Variants in MAP3K4 observed in about 807,000 individuals in gnomAD.
MAP3K4 encodes mitogen-activated protein kinase kinase kinase 4.
In MAP3K4, 67 loss-of-function variants were observed where a neutral mutation model predicts 185.6. The observed-to-expected ratio is 0.36, with a 90% CI of 0.30 to 0.44. MAP3K4 has a LOEUF of 0.44. Among genes scored for constraint, MAP3K4 ranks in the 20% least tolerant of loss-of-function variants. MAP3K4 has a pLI of 1.00. For missense variants in MAP3K4, 1,551 were observed against 1,995.1 expected (o/e 0.78, Z 4.24); for synonymous variants, 702 against 710.4 (o/e 0.99, Z 0.19).
At chr6:161,014,906 C>G (rs1327275538) in intron 1 of MAP3K4, among the ~76,000 whole-genome samples, 1 of 152,152 alleles carries the variant, frequency 6.6e-6, no homozygotes, top group East Asian at 1.9e-4. Flanking sequence ...CATTACCAAC[C>G]CCCTGCCCGG....
At chr6:161,014,847 A>G (rs1782012979) in intron 1 of MAP3K4, among the ~76,000 whole-genome samples, 1 of 125,654 alleles carries the variant, frequency 8.0e-6, no homozygotes, top group Non-Finnish European at 2.0e-5. Flanking sequence ...ACCACAGTCA[A>G]TTTTCAAACA....
At chr6:161,013,003 A>G (rs575804157) in intron 1 of MAP3K4, among the ~76,000 whole-genome samples, 1 of 152,194 alleles carries the variant, frequency 6.6e-6, no homozygotes, top group African/African-American at 2.4e-5. Flanking sequence ...GGTACATACC[A>G]CAAGCTTTTC....
At chr6:161,021,689 A>G (rs1782396922) in intron 1 of MAP3K4, among the ~76,000 whole-genome samples, 1 of 152,208 alleles carries the variant, frequency 6.6e-6, no homozygotes, top group African/African-American at 2.4e-5. Flanking sequence ...ATTCTGTGCT[A>G]ACTCTCCAGT....
intron 1 of MAP3K4, among the ~76,000 whole-genome samples, chr6:161,028,226 A>G (rs1782761917): frequency 6.6e-6 from 1 of 152,154 alleles, no homozygotes; most frequent in Non-Finnish European, 1.5e-5. Flanking sequence ...TTTCATTGTT[A>G]ATGTTTTTGT....
Position 161,089,233 on chromosome 6 carries a change from A to G in MAP3K4, c.2824-89A>G. On this transcript the variant is annotated intron_variant, in intron 10 of 26. Coordinates refer to ENST00000392142, the MANE Select transcript of MAP3K4 (RefSeq NM_005922.4). ...TGGTTGTTGGCCTGGTATCCCTGAG[A>G]TTGGCATTGTTTTTGGACTGGTGTT... 2.1e-6 allele frequency: 3 copies of G among 1,404,294 alleles called. No individual in the cohort carries two copies. In the East Asian group the frequency reaches 6.9e-5, roughly 32 times the overall value. 87.0% of individuals were successfully genotyped at this position (1,404,294 alleles called of 1,614,324 possible).
intron 23 of MAP3K4, 45 bp from the exon 24 acceptor site, chr6:161,111,791 A>G (rs1254047019): frequency 1.3e-6 from 2 of 1,598,694 alleles, no homozygotes; most frequent in South Asian, 1.1e-5. Flanking sequence ...CCTTGCCCAC[A>G]TTGTGTTTCA....
rs1781690321 is a variant in MAP3K4, at chr6:161,008,311, C to T, written c.152+16228C>T. On this transcript the variant is annotated intron_variant, in intron 1 of 26. Transcript: ENST00000392142. This position sits in a 1 kb window ranked among gnomAD's most constrained non-coding sequence, Gnocchi z 4.1. ...TTACTGTTATGAATGAGGTTAAAAGCATTGTTTTTAGCTTAATCTTTATGT... is the reference window on the plus strand; with the variant it reads ...TTACTGTTATGAATGAGGTTAAAAGTATTGTTTTTAGCTTAATCTTTATGT... Among the ~76,000 whole-genome samples the T allele has an allele frequency of 6.6e-6, 1 of 152,102 alleles. No individual in the cohort carries two copies.
Position 161,091,941 on chromosome 6 carries a change from G to T in MAP3K4, c.3136-69G>T. The T allele has an allele frequency of 7.7e-7, 1 of 1,296,406 alleles. No individual in the cohort carries two copies. The highest frequency in any genetic ancestry group is 1.7e-5 in the Admixed American group (1 of 57,528). The allele number at this position is 1,296,406 out of a possible 1,614,324, so 80.3% of individuals were successfully genotyped here. ...GTTTTTAGAAAACATTTTAGACATG[G>T]CATTATAGTGTGTGATATTATTTAA... On this transcript the variant is annotated intron_variant, in intron 12 of 26. Transcript: ENST00000392142. This position sits in a 1 kb window ranked among gnomAD's most constrained non-coding sequence, Gnocchi z 5.5.
Position 161,067,002 on chromosome 6 carries a change from G to A in MAP3K4, c.1708-3606G>A, listed in dbSNP as rs530283329. ...ATCATTATACCAGAGGCGGTGGAGG[G>A]AAGCATTTACAGCGTCTAAAGCCTT... On this transcript the variant is annotated intron_variant, in intron 3 of 26. Coordinates refer to ENST00000392142, the MANE Select transcript of MAP3K4 (RefSeq NM_005922.4). This position sits in a 1 kb window ranked among gnomAD's most constrained non-coding sequence, Gnocchi z 6.3. 2.2e-4 allele frequency among the ~76,000 whole-genome samples: 33 copies of A among 152,324 alleles called. No homozygotes were observed. The highest frequency in any genetic ancestry group is 4.1e-4 in the South Asian group (2 of 4,824).
rs184919254 is a variant in MAP3K4 at position 161,077,091 on chromosome 6, G to A, written c.2097+3479G>A. ...CCAGTTTAGGTAACAGATGAAAAAC[G>A]TAGACCAAACAATACTATATATTGT... On this transcript the variant is annotated intron_variant, in intron 5 of 26. Coordinates refer to ENST00000392142, the MANE Select transcript of MAP3K4 (RefSeq NM_005922.4). The surrounding 1 kb of genome is among the most constrained non-coding windows in gnomAD (Gnocchi z 4.3). 1.3e-5 allele frequency among the ~76,000 whole-genome samples: 2 copies of A among 152,216 alleles called. No homozygotes were observed. The highest frequency in any genetic ancestry group is 1.9e-4 in the East Asian group (1 of 5,180).
At position 161,098,297 on chromosome 6, in the gene MAP3K4, G is replaced by C. The variant is rs753989837; in HGVS notation, c.3544G>C (p.Asp1182His). 1.9e-6 allele frequency: 3 copies of C among 1,611,360 alleles called. No individual in the cohort carries two copies. The highest frequency in any genetic ancestry group is 1.4e-5 in the African/African-American group (1 of 73,998). The change falls in exon 17 of 27, where the codon GAC becomes CAC. Residue 1182 changes from aspartate (D) to histidine (H), a missense_variant. Asp to His is a moderately conservative substitution (Grantham distance 81). This residue lies in a region of MAP3K4 where 272 missense variants were observed against 301.2 expected (regional missense o/e 0.90). Coordinates refer to ENST00000392142, the MANE Select transcript of MAP3K4 (RefSeq NM_005922.4). This position sits in a 1 kb window ranked among gnomAD's most constrained non-coding sequence, Gnocchi z 4.4. ...EGFSTRSMPS[D>H]ARSHGSPAAA... ...TCTTAGCACTCGGAGCATGCCTTCCGACGCGCGGAGCCATGGCAGCCCTGC... is the reference window on the plus strand; with the variant it reads ...TCTTAGCACTCGGAGCATGCCTTCCCACGCGCGGAGCCATGGCAGCCCTGC...
Position 161,111,903 on chromosome 6 carries a change from C to T in MAP3K4, c.4464C>T (p.Leu1488=), listed in dbSNP as rs377024063. The change falls in exon 24 of 27, where the codon CTC becomes CTT. Residue 1488 remains leucine (L), a synonymous_variant. Transcript: ENST00000392142. ...KLGDFGCSVK[L]KNNAQTMPGE... Reference sequence around the variant, plus strand: ...GAGATTTTGGATGTTCAGTAAAGCTCAAAAACAATGCCCAGACCATGCCTG... The same window carrying T: ...GAGATTTTGGATGTTCAGTAAAGCTTAAAAACAATGCCCAGACCATGCCTG... 2 of 1,614,130 alleles carry T rather than the reference C, an allele frequency of 1.2e-6. No individual in the cohort carries two copies. The highest frequency in any genetic ancestry group is 2.7e-5 in the African/African-American group (2 of 75,038).
Position 161,070,682 on chromosome 6 carries a change from G to A in MAP3K4, c.1782G>A (p.Glu594=), listed in dbSNP as rs980427702. ...CAAGGACACCACCTTCATCTGAGGA[G>A]AAATGCAGTGCTGTGTCGTGGGAGG... ...QLSRTPPSSE[E]KCSAVSWEEL... The change falls in exon 4 of 27, where the codon GAG becomes GAA. Residue 594 remains glutamate, a synonymous_variant. Coordinates refer to ENST00000392142, the MANE Select transcript of MAP3K4 (RefSeq NM_005922.4). This position sits in a 1 kb window ranked among gnomAD's most constrained non-coding sequence, Gnocchi z 4.5. 5.6e-6 allele frequency: 9 copies of A among 1,613,992 alleles called. No individual in the cohort carries two copies. In the Admixed American group the frequency reaches 1.0e-4, roughly 18 times the overall value.
At chr6:161,023,092 G>C (rs1013219597) in intron 1 of MAP3K4, among the ~76,000 whole-genome samples, 1 of 152,114 alleles carries the variant, frequency 6.6e-6, no homozygotes, top group African/African-American at 2.4e-5. Context: ...TATATGAAAA[G>C]GTAGCACTGG....
chr6:161,086,768 G>C lies in MAP3K4; in HGVS notation c.2556+101G>C. 1 of 841,136 alleles carries C rather than the reference G, an allele frequency of 1.2e-6. No individual in the cohort carries two copies. Among genetic ancestry groups the C allele is most frequent in the Non-Finnish European group, 1.9e-6 (1 of 536,114 alleles). 52.1% of individuals were successfully genotyped at this position (841,136 alleles called of 1,614,324 possible). ...AAGGTCCAGATAGTAAATATTACAG[G>C]CTCTGAAGGCTGTACCACAACCCCA... On this transcript the variant is annotated intron_variant, in intron 9 of 26. Coordinates refer to ENST00000392142, the MANE Select transcript of MAP3K4 (RefSeq NM_005922.4). This position sits in a 1 kb window ranked among gnomAD's most constrained non-coding sequence, Gnocchi z 4.8.
chr6:161,086,374 G>A lies in MAP3K4; in HGVS notation c.2373-5G>A. The A allele has an allele frequency of 2.5e-6, 4 of 1,589,378 alleles. No individual in the cohort carries two copies. The highest frequency in any genetic ancestry group is 3.4e-6 in the Non-Finnish European group (4 of 1,161,130). Reference sequence around the variant, plus strand: ...GTTCTAACTGGACTTGAATCCACTTGGCAGGAGGTCTGTTATAGAGATCAG... The same window carrying A: ...GTTCTAACTGGACTTGAATCCACTTAGCAGGAGGTCTGTTATAGAGATCAG... On this transcript the variant is annotated splice_polypyrimidine_tract_variant and splice_region_variant and intron_variant, in intron 7 of 26. Coordinates refer to ENST00000392142, the MANE Select transcript of MAP3K4 (RefSeq NM_005922.4). The surrounding 1 kb of genome is among the most constrained non-coding windows in gnomAD (Gnocchi z 4.8).
chr6:161,001,005 TACAC>T (rs1293326951), intron 1 of MAP3K4, among the ~76,000 whole-genome samples: 2 of 79,626 alleles, frequency 2.5e-5, no homozygotes, highest in African/African-American at 1.1e-4. Flanking sequence ...TATTATAATA[TACAC>T]ATATGTATAT....
chr6:161,090,273 T>C (rs1396548907), intron 11 of MAP3K4, among the ~76,000 whole-genome samples: 1 of 152,250 alleles, frequency 6.6e-6, no homozygotes, highest in Non-Finnish European at 1.5e-5. Context: ...GGAGACCTTG[T>C]GTGCACTCGT....
intron 1 of MAP3K4, among the ~76,000 whole-genome samples, chr6:161,006,968 C>T (rs1326728698): frequency 6.6e-6 from 1 of 152,088 alleles, no homozygotes; most frequent in Admixed American, 6.6e-5. Context: ...CCTATTATAA[C>T]CCATTAATTT....
Sources: gnomAD v4.1 joint callset for allele counts (sites outside exome capture counted in the v4.1 genomes callset) on GRCh38, gnomAD v4.1.1 for gene constraint, gnomAD v4.1.1 regional missense constraint, Gnocchi (gnomAD v3.1) non-coding constraint, MANE v1.5 for transcripts, NCBI Gene and HGNC (gene_info 2026-07-23, HGNC 2026-07-21) for gene names.